TCF12: variants seen among roughly 807,000 people sequenced by gnomAD.
The protein encoded by TCF12 is transcription factor 12, also known as DNA-binding protein HTF4.
Under a neutral mutation model 86.0 loss-of-function variants are expected in TCF12, and 45 were observed. The observed-to-expected ratio is 0.52, with a 90% CI of 0.41 to 0.67. The LOEUF (loss-of-function observed/expected upper bound fraction) is 0.67. TCF12 is among the 30% of genes least tolerant of loss of function. TCF12 has a pLI of 0.00. For synonymous variants in TCF12, 330 were observed against 299.6 expected, an observed-to-expected ratio of 1.10 and a Z score of -1.05; for missense variants, 881 against 859.9, an observed-to-expected ratio of 1.02 and a Z score of -0.31.
At chr15:56,922,037 G>C (rs1462665506) in intron 3 of TCF12, among the ~76,000 whole-genome samples, 3 of 151,818 alleles carry the variant, frequency 2.0e-5, no homozygotes, top group African/African-American at 7.3e-5. Flanking sequence ...TATTATTCTT[G>C]ATCAAAAGGA....
chr15:57,012,342 AT>A (rs1165925617), intron 3 of TCF12, among the ~76,000 whole-genome samples: 1 of 152,160 alleles, frequency 6.6e-6, no homozygotes, highest in Non-Finnish European at 1.5e-5. Context: ...CTTGGTATGT[AT>A]TTTTTTAAAG....
At chr15:56,944,839 G>T (rs1258091333) in intron 3 of TCF12, among the ~76,000 whole-genome samples, 1 of 152,090 alleles carries the variant, frequency 6.6e-6, no homozygotes, top group African/African-American at 2.4e-5. Flanking sequence ...GGAGGAAGGG[G>T]TTAATTCTTC....
chr15:57,136,964 T>TTTG (rs1567495478), intron 5 of TCF12, among the ~76,000 whole-genome samples: 17 of 15,996 alleles, frequency 1.1e-3, no homozygotes, highest in African/African-American at 4.8e-3. Context: ...GGCAGTTTTT[T>TTTG]TTTTTGTTTT....
At chr15:56,985,186 C>T (rs866068345) in intron 3 of TCF12, among the ~76,000 whole-genome samples, 1 of 152,164 alleles carries the variant, frequency 6.6e-6, no homozygotes, top group African/African-American at 2.4e-5. Flanking sequence ...TTTCTCCAAT[C>T]CCGTGTTCTT....
chr15:57,289,068 CTTT>C lies in TCF12; in HGVS notation c.*2930_*2932del, dbSNP rs35637880. ...AAGAACCTCAAACAAACTAGACAAA[CTTT>C]TTTTTTGACAGTGAATGACTTTTTG... On this transcript the variant is annotated 3_prime_UTR_variant, in exon 21 of 21. Transcript: ENST00000333725. 6.6e-6 allele frequency: 1 copy of C among 151,508 alleles called. No individual in the cohort carries two copies. Among genetic ancestry groups the C allele is most frequent in the African/African-American group, 2.4e-5 (1 of 41,270 alleles). 9.4% of individuals were successfully genotyped at this position (151,508 alleles called of 1,614,324 possible).
chr15:56,998,617 A>G (rs185040035), intron 3 of TCF12, among the ~76,000 whole-genome samples: 1 of 152,286 alleles, frequency 6.6e-6, no homozygotes, highest in Admixed American at 6.5e-5. Context: ...TTCTTTTCTT[A>G]GGAATAGATA....
intron 3 of TCF12, among the ~76,000 whole-genome samples, chr15:57,033,004 A>G: frequency 6.6e-6 from 1 of 152,020 alleles, no homozygotes; most frequent in East Asian, 1.9e-4. Context: ...AGAGGAAACA[A>G]AATTTTAGAA....
chr15:57,109,802 A>G (rs1720599136), intron 5 of TCF12, among the ~76,000 whole-genome samples: 2 of 152,214 alleles, frequency 1.3e-5, no homozygotes. Context: ...TGAATCATTT[A>G]TATATTACCA....
intron 15 of TCF12, 76 bp from the exon 16 acceptor site, chr15:57,253,186 T>C (rs2060197106): frequency 4.7e-6 from 7 of 1,501,232 alleles, no homozygotes; most frequent in South Asian, 1.1e-5. Flanking sequence ...ACATATCACA[T>C]AGTAGGAAAC....
chr15:57,169,834 G>A (rs550868416), intron 6 of TCF12, among the ~76,000 whole-genome samples: 1 of 152,162 alleles, frequency 6.6e-6, no homozygotes, highest in South Asian at 2.1e-4. Flanking sequence ...TTGCTGTTTA[G>A]TTAGAGTCAG....
chr15:56,940,541 C>CCTT (rs1277796587), intron 3 of TCF12, among the ~76,000 whole-genome samples: 1 of 146,800 alleles, frequency 6.8e-6, no homozygotes, highest in Non-Finnish European at 1.5e-5. Context: ...TCCTTCTTCT[C>CCTT]CTTCTTCTTC....
chr15:56,950,658 T>C (rs1054264596), intron 3 of TCF12, among the ~76,000 whole-genome samples: 1 of 151,638 alleles, frequency 6.6e-6, no homozygotes, highest in Non-Finnish European at 1.5e-5. Context: ...AATTCATATA[T>C]CACAATTTGT....
At chr15:57,214,972 C>T (rs796665510) in intron 8 of TCF12, among the ~76,000 whole-genome samples, 1 of 152,088 alleles carries the variant, frequency 6.6e-6, no homozygotes, top group Non-Finnish European at 1.5e-5. Flanking sequence ...ATCAATAACA[C>T]TATTAACTTT....
chr15:56,960,922 C>G (rs183198310), intron 3 of TCF12, among the ~76,000 whole-genome samples: 1,752 of 151,632 alleles, frequency 0.012, 28 homozygotes, highest in African/African-American at 0.04. Flanking sequence ...GGTGGATCAC[C>G]TGAGGTCAGG....
Position 57,059,537 on chromosome 15 carries a change from G to A in TCF12, c.149-4213G>A, listed in dbSNP as rs186772509. ...TACCCTAGTCTTGGTTCAGGGTGGCGGAGTCTTTAGTGATAGGTCTGGTAG... is the reference window on the plus strand; with the variant it reads ...TACCCTAGTCTTGGTTCAGGGTGGCAGAGTCTTTAGTGATAGGTCTGGTAG... On this transcript the variant is annotated intron_variant, in intron 3 of 20. Transcript: ENST00000333725. Among the ~76,000 whole-genome samples the A allele has an allele frequency of 3.2e-3, 481 of 152,050 alleles. 2 individuals carry two copies. The highest frequency in any genetic ancestry group is 4.5e-3 in the Non-Finnish European group (304 of 67,996).
intron 19 of TCF12, 120 bp downstream of exon 19, chr15:57,273,382 G>A: frequency 9.9e-7 from 1 of 1,008,434 alleles, no homozygotes; most frequent in South Asian, 1.7e-5. Context: ...TTCTTCTACT[G>A]TATCATCAGG....
intron 16 of TCF12, among the ~76,000 whole-genome samples, chr15:57,255,096 T>C (rs1267856158): frequency 6.6e-6 from 1 of 152,184 alleles, no homozygotes; most frequent in Non-Finnish European, 1.5e-5. Context: ...CAGTTCTTAT[T>C]CCTTACCTCT....
intron 3 of TCF12, among the ~76,000 whole-genome samples, chr15:56,971,740 A>T (rs562519643): frequency 5.9e-5 from 9 of 152,316 alleles, no homozygotes; most frequent in Admixed American, 4.6e-4. Flanking sequence ...TTTCCATTTA[A>T]TATTTCTGGA....
intron 5 of TCF12, among the ~76,000 whole-genome samples, chr15:57,100,369 A>G (rs1414507342): frequency 6.6e-6 from 1 of 151,594 alleles, no homozygotes; most frequent in African/African-American, 2.4e-5. Flanking sequence ...AAAGTCCTAG[A>G]GCAGCATTAA....
Sources: gnomAD v4.1 joint callset for allele counts (sites outside exome capture counted in the v4.1 genomes callset) on GRCh38, gnomAD v4.1.1 for gene constraint, MANE v1.5 for transcripts, NCBI Gene and HGNC (gene_info 2026-07-23, HGNC 2026-07-21) for gene names.